LRRC37A: variants seen among roughly 807,000 people sequenced by gnomAD.
LRRC37A encodes leucine rich repeat containing 37A, also known as leucine-rich repeat-containing protein 37A.
Under a neutral mutation model 35.4 loss-of-function variants are expected in LRRC37A, and 3 were observed. The observed-to-expected ratio is 0.08, with a 90% CI of 0.04 to 0.22. The LOEUF (loss-of-function observed/expected upper bound fraction) is 0.22. Ranked by LOEUF, LRRC37A falls within the 10% of genes least tolerant of loss-of-function variation. The pLI is 1.00. For synonymous variants in LRRC37A, 23 were observed against 215.0 expected, an observed-to-expected ratio of 0.11 and a Z score of 7.81; for missense variants, 67 against 565.3, an observed-to-expected ratio of 0.12 and a Z score of 8.94.
the LRRC37A span, among the ~76,000 whole-genome samples, chr17:46,256,813 G>A: frequency 1.3e-5 from 2 of 152,098 alleles, no homozygotes; most frequent in South Asian, 2.1e-4. Flanking sequence ...CAAGAAGTCA[G>A]GTCTTATGGA....
chr17:46,277,221 A>G, the LRRC37A span, among the ~76,000 whole-genome samples: 18,486 of 152,214 alleles, frequency 0.12, 1 homozygote, highest in Non-Finnish European at 0.18. Flanking sequence ...CCAGGTGGCA[A>G]GAAGACATCC....
At chr17:46,278,549 G>A in the LRRC37A span, among the ~76,000 whole-genome samples, 2 of 151,566 alleles carry the variant, frequency 1.3e-5, no homozygotes, top group South Asian at 2.1e-4. Context: ...GATTACAGGC[G>A]CTCACCACTG....
At chr17:46,257,820 C>CA in the LRRC37A span, among the ~76,000 whole-genome samples, 15,667 of 145,394 alleles carry the variant, frequency 0.11, 790 homozygotes, top group East Asian at 0.3. Context: ...AGGCCCATGT[C>CA]AAAAAAAAAA....
At chr17:46,306,809 ACT>A (rs2050580039) in intron 5 of LRRC37A, among the ~76,000 whole-genome samples, 1 of 61,138 alleles carries the variant, frequency 1.6e-5, no homozygotes, top group East Asian at 3.1e-4. Flanking sequence ...GCAGTTAGAA[ACT>A]CTGCATATGA....
chr17:46,336,301 A>G (rs2144153820), intron 11 of LRRC37A, among the ~76,000 whole-genome samples: 1 of 18,632 alleles, frequency 5.4e-5, no homozygotes, highest in African/African-American at 8.5e-5. Flanking sequence ...AATTTTAACC[A>G]GAAAGGCCAG....
At chr17:46,281,446 G>A in the LRRC37A span, among the ~76,000 whole-genome samples, 8,820 of 134,590 alleles carry the variant, frequency 0.066, no homozygotes, top group Non-Finnish European at 0.11. Context: ...CTGGAGAGCG[G>A]TGGTGTAATC....
At chr17:46,253,151 G>A in the LRRC37A span, among the ~76,000 whole-genome samples, 2 of 149,068 alleles carry the variant, frequency 1.3e-5, no homozygotes, top group Admixed American at 6.8e-5. Flanking sequence ...TCCCAGATGG[G>A]GTCACGGCCG....
At chr17:46,267,647 G>C in the LRRC37A span, 2 of 1,369,452 alleles carry the variant, frequency 1.5e-6, no homozygotes, top group East Asian at 4.7e-5. Context: ...ATTGTAACAT[G>C]ATTAGGATTT....
chr17:46,267,893 CTTTT>C, the LRRC37A span, among the ~76,000 whole-genome samples: 365 of 89,038 alleles, frequency 4.1e-3, no homozygotes, highest in Non-Finnish European at 5.1e-3. Context: ...ACTCCCACAT[CTTTT>C]TTTTTTTTTT....
At chr17:46,264,165 T>C in the LRRC37A span, among the ~76,000 whole-genome samples, 3 of 149,384 alleles carry the variant, frequency 2.0e-5, no homozygotes, top group Non-Finnish European at 4.4e-5. Flanking sequence ...TTTTTTTTTG[T>C]AGAGACCAGG....
chr17:46,263,873 AAGAG>A, the LRRC37A span, among the ~76,000 whole-genome samples: 2 of 130,762 alleles, frequency 1.5e-5, no homozygotes, highest in Non-Finnish European at 3.7e-5. Context: ...AAAAAAAAAA[AAGAG>A]AGAGAGACAG....
At chr17:46,281,636 G>C in the LRRC37A span, among the ~76,000 whole-genome samples, 2 of 152,110 alleles carry the variant, frequency 1.3e-5, no homozygotes, top group African/African-American at 4.8e-5. Context: ...TGTTATGTTG[G>C]TAAGGTTGGG....
the LRRC37A span, among the ~76,000 whole-genome samples, chr17:46,266,114 A>G: frequency 6.6e-6 from 1 of 152,228 alleles, no homozygotes; most frequent in African/African-American, 2.4e-5. Flanking sequence ...AAATTGCCTA[A>G]CATACACATT....
the LRRC37A span, among the ~76,000 whole-genome samples, chr17:46,252,555 A>T: frequency 6.7e-6 from 1 of 148,838 alleles, no homozygotes; most frequent in Non-Finnish European, 1.5e-5. Context: ...GGTACTTGAG[A>T]TTAGGGAGTG....
At chr17:46,248,439 C>T in the LRRC37A span, among the ~76,000 whole-genome samples, 1 of 152,030 alleles carries the variant, frequency 6.6e-6, no homozygotes, top group East Asian at 1.9e-4. Context: ...AATCTGATTT[C>T]CTATAGTTTT....
the LRRC37A span, chr17:46,267,237 C>T: frequency 2.6e-6 from 2 of 766,570 alleles, no homozygotes; most frequent in African/African-American, 1.9e-5. Context: ...GCGCCCGACC[C>T]ATGCGGGCCG....
the LRRC37A span, chr17:46,268,669 G>T: frequency 6.6e-7 from 1 of 1,523,370 alleles, no homozygotes; most frequent in Non-Finnish European, 8.8e-7. Context: ...CAAATTCAAG[G>T]TGCAATTCAT....
At chr17:46,284,585 T>TG in the LRRC37A span, among the ~76,000 whole-genome samples, 1 of 152,194 alleles carries the variant, frequency 6.6e-6, no homozygotes, top group South Asian at 2.1e-4. Context: ...CCCCACAGTG[T>TG]GGGGGGTGGA....
chr17:46,327,423 A>T (rs1462916584), intron 7 of LRRC37A, among the ~76,000 whole-genome samples: 1 of 14,374 alleles, frequency 7.0e-5, no homozygotes, highest in Non-Finnish European at 2.7e-3. Flanking sequence ...CTGAAAATAC[A>T]AAAGTACAAA....
Sources: gnomAD v4.1 joint callset for allele counts (sites outside exome capture counted in the v4.1 genomes callset) on GRCh38, gnomAD v4.1.1 for gene constraint, MANE v1.5 for transcripts, NCBI Gene and HGNC (gene_info 2026-07-23, HGNC 2026-07-21) for gene names.